The following CSNK2A2 variants were observed in gnomAD, a reference collection of about 807,000 sequenced individuals.
The protein encoded by CSNK2A2 is casein kinase II subunit alpha'.
Under a neutral mutation model 54.0 loss-of-function variants are expected in CSNK2A2, and 8 were observed. That is an observed-to-expected ratio of 0.15 (90% confidence interval 0.09 to 0.27). The LOEUF is 0.27. CSNK2A2 is among the 10% of genes least tolerant of loss of function. The pLI, the probability that CSNK2A2 is intolerant of heterozygous loss-of-function variation, is 1.00. For synonymous variants in CSNK2A2, 141 were observed against 153.9 expected, an observed-to-expected ratio of 0.92 and a Z score of 0.62; for missense variants, 242 against 439.4, an observed-to-expected ratio of 0.55 and a Z score of 4.02.
chr16:58,171,977 ATATTTTTTT>A (rs1173479441), intron 5 of CSNK2A2, among the ~76,000 whole-genome samples: 11 of 34,316 alleles, frequency 3.2e-4, no homozygotes, highest in African/African-American at 1.7e-3. Flanking sequence ...ATATATATAT[ATATTTTTTT>A]TTTTTTTTTT....
At chr16:58,183,062 T>C (rs1962099638) in intron 4 of CSNK2A2, among the ~76,000 whole-genome samples, 1 of 152,168 alleles carries the variant, frequency 6.6e-6, no homozygotes, top group South Asian at 2.1e-4. Flanking sequence ...TTTAGAGTGA[T>C]TAAGAAAAAT....
At chr16:58,163,736 G>C in intron 11 of CSNK2A2, 1 of 181,822 alleles carries the variant, frequency 5.5e-6, no homozygotes, top group Non-Finnish European at 1.1e-5. Context: ...CTTGTTGACT[G>C]AATGGGTTAA....
At chr16:58,165,497 A>G in intron 10 of CSNK2A2, 63 bp downstream of exon 10, 1 of 1,475,574 alleles carries the variant, frequency 6.8e-7, no homozygotes, top group Admixed American at 2.3e-5. Context: ...TCTCAAAGAC[A>G]AAGAGTGGAA....
intron 5 of CSNK2A2, among the ~76,000 whole-genome samples, chr16:58,170,054 T>C (rs1961693302): frequency 6.6e-6 from 1 of 152,094 alleles, no homozygotes; most frequent in Non-Finnish European, 1.5e-5. Flanking sequence ...AAAAAACAAT[T>C]ATCATTACAT....
chr16:58,196,371 G>A (rs1418417674), intron 2 of CSNK2A2, among the ~76,000 whole-genome samples: 1 of 152,092 alleles, frequency 6.6e-6, no homozygotes, highest in East Asian at 1.9e-4. Flanking sequence ...GCAACTATAG[G>A]AGGCCTGCAA....
At chr16:58,184,531 G>C (rs1962141721) in intron 3 of CSNK2A2, among the ~76,000 whole-genome samples, 1 of 152,248 alleles carries the variant, frequency 6.6e-6, no homozygotes, top group African/African-American at 2.4e-5. Flanking sequence ...TGGGAGTATA[G>C]ATGAAACAAG....
intron 4 of CSNK2A2, among the ~76,000 whole-genome samples, chr16:58,181,085 C>T (rs1422260098): frequency 1.3e-5 from 2 of 152,190 alleles, no homozygotes; most frequent in Non-Finnish European, 2.9e-5. Context: ...AAGGGGACCT[C>T]CAGTTAAACA....
At chr16:58,196,895 C>T (rs764120284) in intron 1 of CSNK2A2, 51 bp from the exon 2 acceptor site, 12 of 1,118,854 alleles carry the variant, frequency 1.1e-5, no homozygotes, top group Non-Finnish European at 1.4e-5. Flanking sequence ...GTTAACCAAG[C>T]CTATGCCCAC....
At chr16:58,193,198 T>C (rs1428544494) in intron 2 of CSNK2A2, among the ~76,000 whole-genome samples, 1 of 152,176 alleles carries the variant, frequency 6.6e-6, no homozygotes, top group Non-Finnish European at 1.5e-5. Context: ...GTAAAAAACC[T>C]ACCACAGGAG....
intron 5 of CSNK2A2, chr16:58,174,203 C>G (rs1387630049): frequency 2.9e-6 from 1 of 343,760 alleles, no homozygotes; most frequent in Non-Finnish European, 5.2e-6. Flanking sequence ...TATGGACCAA[C>G]AAGAGCTATG....
intron 3 of CSNK2A2, among the ~76,000 whole-genome samples, chr16:58,185,156 A>C (rs1487518112): frequency 6.6e-5 from 10 of 152,132 alleles, no homozygotes; most frequent in Admixed American, 2.0e-4. Flanking sequence ...GGTTATAGAA[A>C]AAAAAAAACA....
chr16:58,164,555 G>C (rs1961506181), intron 10 of CSNK2A2, among the ~76,000 whole-genome samples: 1 of 152,198 alleles, frequency 6.6e-6, no homozygotes, highest in African/African-American at 2.4e-5. Flanking sequence ...TCCATTTTAA[G>C]CAACCGTAGT....
Position 58,183,055 on chromosome 16 carries a change from A to G in CSNK2A2, c.369+1205T>C, listed in dbSNP as rs75709575. ...TAATTAACCTTGTTTTAGTCATTTT[A>G]GAGTGATTAAGAAAAATTAGGCCAG... On this transcript the variant is annotated intron_variant, in intron 4 of 11. Coordinates refer to ENST00000262506, the MANE Select transcript of CSNK2A2 (RefSeq NM_001896.4). Among the ~76,000 whole-genome samples, 18 of 152,230 alleles carry G rather than the reference A, an allele frequency of 1.2e-4. No individual in the cohort carries two copies. In the East Asian group the frequency reaches 3.5e-3, roughly 29 times the overall value.
At chr16:58,174,928 C>T (rs2550355) in intron 4 of CSNK2A2, among the ~76,000 whole-genome samples, 21,020 of 152,124 alleles carry the variant, frequency 0.14, 1,997 homozygotes, top group Admixed American at 0.27. Flanking sequence ...GATGGCAGAG[C>T]TCTGAAGAAC....
intron 5 of CSNK2A2, among the ~76,000 whole-genome samples, chr16:58,171,645 TC>T (rs1961739209): frequency 6.6e-6 from 1 of 151,926 alleles, no homozygotes. Context: ...GTTCACAATA[TC>T]CTCTACCAGC....
chr16:58,179,500 CAAA>C (rs34109104), intron 4 of CSNK2A2, among the ~76,000 whole-genome samples: 1 of 133,488 alleles, frequency 7.5e-6, no homozygotes, highest in African/African-American at 2.7e-5. Flanking sequence ...GGCTCTGTCT[CAAA>C]AAAAAAAAAG....
chr16:58,171,980 T>TATATATATATA (rs1555505772), intron 5 of CSNK2A2, among the ~76,000 whole-genome samples: 121 of 36,942 alleles, frequency 3.3e-3, no homozygotes, highest in African/African-American at 7.5e-3. Context: ...TATATATATA[T>TATATATATATA]TTTTTTTTTT....
intron 7 of CSNK2A2, 42 bp downstream of exon 7, chr16:58,167,643 G>A (rs755791232): frequency 2.8e-6 from 4 of 1,441,488 alleles, no homozygotes; most frequent in Non-Finnish European, 3.9e-6. Flanking sequence ...AAAGCCCTAA[G>A]CAAGTATAAA....
chr16:58,158,997 G>A (rs1961238124), intron 11 of CSNK2A2: 2 of 152,350 alleles, frequency 1.3e-5, no homozygotes, highest in Middle Eastern at 3.4e-3. Flanking sequence ...CAGTACTGAG[G>A]AAGGACTATG....
Sources: allele counts gnomAD v4.1 joint callset (sites outside exome capture counted in the v4.1 genomes callset), GRCh38; gene constraint gnomAD v4.1.1; transcripts MANE v1.5; gene names NCBI Gene and HGNC (gene_info 2026-07-23, HGNC 2026-07-21).